Variants in RNF216 observed in about 807,000 individuals in gnomAD.
RNF216 encodes the protein ring finger protein 216, also known as E3 ubiquitin-protein ligase RNF216.
In RNF216, 72 loss-of-function variants were observed where a neutral mutation model predicts 110.8. The observed-to-expected ratio is 0.65, with a 90% confidence interval of 0.54 to 0.79. The LOEUF (loss-of-function observed/expected upper bound fraction) is 0.79. RNF216 is among the 30% of genes least tolerant of loss of function. The pLI, the probability that RNF216 is intolerant of heterozygous loss-of-function variation, is 0.00. For synonymous variants in RNF216, 495 were observed against 407.5 expected, an observed-to-expected ratio of 1.21 and a Z score of -2.59; for missense variants, 1,342 against 1,141.2, an observed-to-expected ratio of 1.18 and a Z score of -2.54.
chr7:5,716,863 G>C lies in RNF216; in HGVS notation c.1645-97C>G. On this transcript the variant is annotated intron_variant, in intron 9 of 16. Coordinates refer to ENST00000389902, the MANE Select transcript of RNF216 (RefSeq NM_207111.4). Reference sequence around the variant, plus strand: ...TCCATAAACATAACTCCAGTATTGCGATCTCTTCAATTACACAGTTTAGCA... The same window carrying C: ...TCCATAAACATAACTCCAGTATTGCCATCTCTTCAATTACACAGTTTAGCA... The C allele has an allele frequency of 3.3e-6, 3 of 921,742 alleles. No homozygotes were observed. In the South Asian group the frequency reaches 4.7e-5, roughly 14 times the overall value. The allele number at this position is 921,742 out of a possible 1,614,324, so 57.1% of individuals were successfully genotyped here. A position where few individuals can be genotyped will look rare whatever the true frequency, so the allele number is the denominator to read the frequency against.
rs191046111 is a variant in RNF216, at chr7:5,723,178, T to C, written c.1505-2006A>G. The stretch of plus-strand genomic sequence containing the variant: ...TTGAAACATAAATGAATTAATCCAT[T>C]AAAGCACTTAGAAAAGTGACTGGTA... On this transcript the variant is annotated intron_variant, in intron 8 of 16. Coordinates refer to ENST00000389902, the MANE Select transcript of RNF216 (RefSeq NM_207111.4). 2.0e-5 allele frequency among the ~76,000 whole-genome samples: 3 copies of C among 152,280 alleles called. No homozygotes were observed. The East Asian group carries it at 5.8e-4, about 29-fold the overall frequency.
Position 5,674,149 on chromosome 7 carries a change from C to T in RNF216, c.2062-21639G>A, listed in dbSNP as rs926448369. ...GGTTCAAACGATTCTCCTGCCTCAG[C>T]CTCCTGAATAGCTGGGATTATAGGC... On this transcript the variant is annotated intron_variant, in intron 13 of 16. Transcript: ENST00000389902. Among the ~76,000 whole-genome samples, 6 of 152,070 alleles carry T rather than the reference C, an allele frequency of 3.9e-5. No homozygotes were observed. In the South Asian group the frequency reaches 1.0e-3, roughly 26 times the overall value.
intron 2 of RNF216, among the ~76,000 whole-genome samples, chr7:5,758,534 T>C (rs941662586): frequency 6.6e-6 from 1 of 152,216 alleles, no homozygotes; most frequent in African/African-American, 2.4e-5. Flanking sequence ...ACAGCAGGAC[T>C]GCACGAGACT....
chr7:5,772,456 G>C (rs1796547287), intron 1 of RNF216, among the ~76,000 whole-genome samples: 1 of 152,128 alleles, frequency 6.6e-6, no homozygotes, highest in Non-Finnish European at 1.5e-5. Context: ...ACCCAGGCTG[G>C]AGTGCAGTGG....
intron 13 of RNF216, chr7:5,666,814 CTTT>C (rs762672429): frequency 8.1e-5 from 11 of 135,520 alleles, no homozygotes; most frequent in East Asian, 4.3e-4. Context: ...ACAGCAATGA[CTTT>C]TTTTTTTTTT....
intron 13 of RNF216, among the ~76,000 whole-genome samples, chr7:5,682,912 T>C (rs552568238): frequency 1.2e-4 from 19 of 152,288 alleles, no homozygotes; most frequent in Middle Eastern, 3.4e-3. Context: ...TGCGTTAATG[T>C]AGCATCAAAA....
At chr7:5,780,169 T>A (rs1012818409) in intron 1 of RNF216, 1 of 152,136 alleles carries the variant, frequency 6.6e-6, no homozygotes, top group Non-Finnish European at 1.5e-5. Context: ...ATTTAGATAG[T>A]TTTTAGCATT....
chr7:5,748,416 T>C (rs1327442815), intron 3 of RNF216, among the ~76,000 whole-genome samples: 2 of 152,290 alleles, frequency 1.3e-5, no homozygotes, highest in Non-Finnish European at 2.9e-5. Context: ...CTCACCACCA[T>C]GCCCAGCTAA....
chr7:5,763,659 C>A (rs767769418), intron 1 of RNF216, among the ~76,000 whole-genome samples: 16 of 152,112 alleles, frequency 1.1e-4, no homozygotes, highest in Non-Finnish European at 1.9e-4. Flanking sequence ...CAGCCTTGAA[C>A]CCCTGGGCTC....
In RNF216 at chr7:5,761,062, T is replaced by C. The variant is rs765801250; in HGVS notation, c.8A>G (p.Glu3Gly). 1.3e-6 allele frequency: 2 copies of C among 1,578,974 alleles called. No individual in the cohort carries two copies. Among genetic ancestry groups the C allele is most frequent in the African/African-American group, 2.8e-5 (2 of 72,528 alleles). ME[E>G]GNNNEEVIHL... Reference sequence around the variant, plus strand: ...AATTACCTCTTCATTGTTGTTTCCCTCTTCCATTTTCAAATGCAGACATGC... The same window carrying C: ...AATTACCTCTTCATTGTTGTTTCCCCCTTCCATTTTCAAATGCAGACATGC... The change falls in exon 2 of 17, where the codon GAG becomes GGG. Residue 3 changes from glutamate to glycine, a missense_variant. Coordinates refer to ENST00000389902, the MANE Select transcript of RNF216 (RefSeq NM_207111.4).
intron 13 of RNF216, among the ~76,000 whole-genome samples, chr7:5,702,020 C>A (rs1385407018): frequency 1.3e-5 from 2 of 152,152 alleles, no homozygotes; most frequent in Non-Finnish European, 2.9e-5. Flanking sequence ...AAGAGCCAGG[C>A]CCATTTCCTA....
chr7:5,741,259 T>A lies in RNF216; in HGVS notation c.758A>T (p.Glu253Val). 1 of 1,614,180 alleles carries A rather than the reference T, an allele frequency of 6.2e-7. No homozygotes were observed. The highest frequency in any genetic ancestry group is 2.2e-5 in the East Asian group (1 of 44,886). The change falls in exon 4 of 17, where the codon GAA (glutamate) becomes GTA (valine). Residue 253 changes from glutamate to valine, a missense_variant. Transcript: ENST00000389902. ...REITNQVVPQ[E>V]RQPEAELGRL... is the part of the protein sequence containing the mutation. ...GCCCAGTTCTGCTTCAGGCTGCCGT[T>A]CCTGAGGAACGACCTGGTTTGTTAT...
chr7:5,625,538 AACGG>A (rs1424057372), intron 15 of RNF216, among the ~76,000 whole-genome samples: 1 of 152,216 alleles, frequency 6.6e-6, no homozygotes, highest in Non-Finnish European at 1.5e-5. Flanking sequence ...AGGGCTAACC[AACGG>A]ACAGTTTGCA....
intron 2 of RNF216, among the ~76,000 whole-genome samples, chr7:5,759,147 C>G (rs544198698): frequency 2.6e-5 from 4 of 152,186 alleles, no homozygotes; most frequent in African/African-American, 9.6e-5. Flanking sequence ...CCTGCTCCAG[C>G]CATGTGAGAC....
intron 13 of RNF216, among the ~76,000 whole-genome samples, chr7:5,652,879 A>T (rs910427884): frequency 6.6e-6 from 1 of 152,202 alleles, no homozygotes; most frequent in Admixed American, 6.6e-5. Flanking sequence ...TCCCTAGATC[A>T]AAAGGAAGTG....
chr7:5,645,853 G>C (rs141824688), intron 14 of RNF216, among the ~76,000 whole-genome samples: 140 of 152,282 alleles, frequency 9.2e-4, no homozygotes, highest in African/African-American at 3.1e-3. Context: ...GCCTCCCAAA[G>C]TGCTGGGATT....
Position 5,741,333 on chromosome 7 carries a change from G to A in RNF216, c.684C>T (p.Cys228=). Residue 228 remains cysteine (C), a synonymous_variant, in exon 4 of 17, where the codon TGC becomes TGT. Transcript: ENST00000389902. ...LADDQAIEED[C]WLDHPYFQSL... Reference sequence around the variant, plus strand: ...ACTGGAAGTAAGGATGATCTAACCAGCAGTCTTCTTCGATGGCCTGATCAT... The same window carrying A: ...ACTGGAAGTAAGGATGATCTAACCAACAGTCTTCTTCGATGGCCTGATCAT... The A allele has an allele frequency of 6.2e-7, 1 of 1,614,140 alleles. No homozygotes were observed. The highest frequency in any genetic ancestry group is 8.5e-7 in the Non-Finnish European group (1 of 1,180,004).
intron 15 of RNF216, among the ~76,000 whole-genome samples, chr7:5,633,967 GAAGA>G (rs1787240479): frequency 6.6e-6 from 1 of 152,186 alleles, no homozygotes; most frequent in African/African-American, 2.4e-5. Context: ...AGGAGAAAAC[GAAGA>G]AAGAGAAACT....
chr7:5,749,506 G>A (rs747438165), intron 3 of RNF216, among the ~76,000 whole-genome samples: 2 of 152,098 alleles, frequency 1.3e-5, no homozygotes, highest in Non-Finnish European at 2.9e-5. Flanking sequence ...AATCTGATAT[G>A]TCTTGGTATA....
Sources: allele counts gnomAD v4.1 joint callset (sites outside exome capture counted in the v4.1 genomes callset), GRCh38; gene constraint gnomAD v4.1.1; transcripts MANE v1.5; gene names NCBI Gene and HGNC (gene_info 2026-07-23, HGNC 2026-07-21).